The following TEX52 variants were observed in gnomAD, a reference collection of about 807,000 sequenced individuals.
The protein encoded by TEX52 is testis expressed 52.
TEX52 carries 22 observed loss-of-function variants against 17.6 expected under a neutral mutation model. The ratio of observed to expected loss-of-function variants is 1.25; its 90% CI spans 0.89 to 1.78. The LOEUF (loss-of-function observed/expected upper bound fraction) is 1.78, where lower values mean the gene tolerates loss of function less well. Ranked by LOEUF, TEX52 falls within the 40% of genes most tolerant of loss-of-function variation. The pLI is 0.00. For synonymous variants in TEX52, 168 were observed against 147.4 expected (o/e 1.14, Z -1.01); for missense variants, 396 against 372.3 (o/e 1.06, Z -0.52).
intron 1 of TEX52, among the ~76,000 whole-genome samples, chr12:2,856,506 C>T (rs189070911): frequency 2.6e-4 from 39 of 152,306 alleles, no homozygotes; most frequent in Non-Finnish European, 4.4e-4. Context: ...GCTGGGATTA[C>T]AGGCGCGTGC....
intron 2 of TEX52, among the ~76,000 whole-genome samples, chr12:2,853,953 T>C (rs1434605627): frequency 1.3e-5 from 2 of 152,338 alleles, no homozygotes; most frequent in East Asian, 1.9e-4. Context: ...GAGGCCTTCC[T>C]GTGGCGGGGA....
chr12:2,854,744 C>T (rs777490449), intron 2 of TEX52, among the ~76,000 whole-genome samples, 152 bp downstream of exon 2: 9 of 152,110 alleles, frequency 5.9e-5, no homozygotes, highest in African/African-American at 1.2e-4. Flanking sequence ...GTCTCCACCT[C>T]GTCCTTCCAG....
At chr12:2,853,603 T>G (rs533609606) in intron 2 of TEX52, among the ~76,000 whole-genome samples, 2 of 146,992 alleles carry the variant, frequency 1.4e-5, no homozygotes, top group Admixed American at 6.8e-5. Context: ...TTGTTTTTGT[T>G]TTTGTTTTTG....
chr12:2,851,057 C>G (rs1399895876), intron 2 of TEX52, among the ~76,000 whole-genome samples: 1 of 136,020 alleles, frequency 7.4e-6, no homozygotes, highest in Non-Finnish European at 1.5e-5. Context: ...ATCCCAGCTA[C>G]TTGGGAGGCT....
chr12:2,851,437 C>T (rs1401807911), intron 2 of TEX52, among the ~76,000 whole-genome samples: 1 of 152,016 alleles, frequency 6.6e-6, no homozygotes, highest in Non-Finnish European at 1.5e-5. Context: ...CCACCTCCTG[C>T]ATTCAAGCGA....
At chr12:2,855,590 C>A in intron 1 of TEX52, 144 bp from the exon 2 acceptor site, 1 of 547,208 alleles carries the variant, frequency 1.8e-6, no homozygotes, top group East Asian at 3.2e-5. Flanking sequence ...GGCAGGGCCG[C>A]ATCTCCATCC....
chr12:2,855,319 A>G lies in TEX52; in HGVS notation c.200T>C (p.Leu67Pro). 6.5e-7 allele frequency: 1 copy of G among 1,528,308 alleles called. No individual in the cohort carries two copies. The highest frequency in any genetic ancestry group is 1.2e-5 in the South Asian group (1 of 83,812). 94.7% of individuals were successfully genotyped at this position (1,528,308 alleles called of 1,614,324 possible). A position where few individuals can be genotyped will look rare whatever the true frequency, so the allele number is the denominator to read the frequency against. Residue 67 changes from leucine to proline, a missense_variant, in exon 2 of 3, where the codon CTG becomes CCG. Leu to Pro is a moderately conservative substitution (Grantham distance 98). Transcript: ENST00000637658. ...GGACTTCATATCTGTGCAGGGCGGC[A>G]GCTTCAGAGCCAGCTGGTGGTAGGC... ...RQAYHQLALK[L>P]PPCTDMKSKV...
At chr12:2,853,974 C>T (rs905365212) in intron 2 of TEX52, among the ~76,000 whole-genome samples, 7 of 152,112 alleles carry the variant, frequency 4.6e-5, no homozygotes, top group East Asian at 1.9e-4. Context: ...CACTCCAGGT[C>T]GCTGCACCCC....
At position 2,855,378 on chromosome 12, in the gene TEX52, G is replaced by C. The variant is rs908261576; in HGVS notation, c.141C>G (p.Ser47Arg). 7.9e-6 allele frequency: 12 copies of C among 1,524,430 alleles called. No individual in the cohort carries two copies. Among genetic ancestry groups the C allele is most frequent in the African/African-American group, 1.4e-5 (1 of 72,704 alleles). The allele number at this position is 1,524,430 out of a possible 1,614,324, so 94.4% of individuals were successfully genotyped here. A position where few individuals can be genotyped will look rare whatever the true frequency, so the allele number is the denominator to read the frequency against. The change falls in exon 2 of 3, where the codon AGC (serine) becomes AGG (arginine). Residue 47 changes from serine to arginine, a missense_variant. Physicochemically the swap from Ser to Arg is moderately radical, Grantham distance 110. Transcript: ENST00000637658. ...TGAAGCCAGGGAACTCCCAGGACTCGCTGGGGAGGAAGAACTCACGCTGAG... is the reference window on the plus strand; with the variant it reads ...TGAAGCCAGGGAACTCCCAGGACTCCCTGGGGAGGAAGAACTCACGCTGAG... Reference protein sequence around the residue: ...TWAQREFFLPSESWEFPGFTR... With the variant: ...TWAQREFFLPRESWEFPGFTR...
downstream of TEX52, among the ~76,000 whole-genome samples, chr12:2,848,792 C>A (rs1321821995): frequency 6.6e-6 from 1 of 151,928 alleles, no homozygotes; most frequent in Non-Finnish European, 1.5e-5. Flanking sequence ...AGCCTCATTC[C>A]CAATGGGTTA....
At chr12:2,855,569 G>A (rs7138715) in intron 1 of TEX52, 123 bp from the exon 2 acceptor site, 151,652 of 707,362 alleles carry the variant, frequency 0.21, 19,305 homozygotes, top group African/African-American at 0.43. Context: ...TCATGAGGAC[G>A]CAGAAGTCCT....
At chr12:2,855,883 G>A (rs1052951971) in intron 1 of TEX52, among the ~76,000 whole-genome samples, 1 of 152,036 alleles carries the variant, frequency 6.6e-6, no homozygotes, top group Non-Finnish European at 1.5e-5. Context: ...GGTCTTGGCG[G>A]TATACCAGGA....
chr12:2,854,807 A>T, intron 2 of TEX52, 89 bp downstream of exon 2: 1 of 1,324,456 alleles, frequency 7.6e-7, no homozygotes, highest in Non-Finnish European at 1.0e-6. Context: ...GGAAGGACAG[A>T]GTCCCGGTTA....
chr12:2,855,221 C>G lies in TEX52; in HGVS notation c.298G>C (p.Asp100His), dbSNP rs1055609468. Residue 100 changes from aspartate (D) to histidine (H), a missense_variant, in exon 2 of 3, where the codon GAT becomes CAT. Coordinates refer to ENST00000637658, the MANE Select transcript of TEX52 (RefSeq NM_001365174.2). The part of the protein sequence containing the change: ...QHTWGFHTWL[D>H]VCRLPATFPT... ...AAGGTGGCAGGCAGACGGCACACAT[C>G]GAGCCACGTGTGAAAGCCCCAGGTG... The G allele has an allele frequency of 2.0e-6, 3 of 1,505,764 alleles. No homozygotes were observed. The highest frequency in any genetic ancestry group is 2.7e-6 in the Non-Finnish European group (3 of 1,128,238). The allele number at this position is 1,505,764 out of a possible 1,614,324, so 93.3% of individuals were successfully genotyped here.
Position 2,855,071 on chromosome 12 carries a change from A to G in TEX52, c.448T>C (p.Phe150Leu). The G allele has an allele frequency of 1.3e-6, 2 of 1,535,984 alleles. No individual in the cohort carries two copies. The highest frequency in any genetic ancestry group is 1.7e-6 in the Non-Finnish European group (2 of 1,146,862). Residue 150 changes from phenylalanine (F) to leucine (L), a missense_variant, in exon 2 of 3, where the codon TTC becomes CTC. By Grantham distance (22) the Phe-to-Leu change is conservative (BLOSUM62 0). Coordinates refer to ENST00000637658, the MANE Select transcript of TEX52 (RefSeq NM_001365174.2). ...PPPSWMGQNS[F>L]LTFIHCYPTF... is the part of the protein sequence containing the mutation. ...GGATAACAGTGGATGAAGGTCAGGA[A>G]GCTGTTTTGCCCCATCCAGGAGGGA...
rs999741930 is a variant in TEX52 at position 2,855,047 on chromosome 12, G to T, written c.472C>A (p.Pro158Thr). Residue 158 changes from proline to threonine, a missense_variant, in exon 2 of 3, where the codon CCC (proline) becomes ACC (threonine). Coordinates refer to ENST00000637658, the MANE Select transcript of TEX52 (RefSeq NM_001365174.2). ...NSFLTFIHCY[P>T]TFVDMKRKKQ... ...TTCCTTTTCATGTCCACAAACGTGG[G>T]ATAACAGTGGATGAAGGTCAGGAAG... 35 of 1,536,002 alleles carry T rather than the reference G, an allele frequency of 2.3e-5. No homozygotes were observed. The highest frequency in any genetic ancestry group is 9.8e-5 in the Admixed American group (5 of 50,970).
rs1326763668 is a variant in TEX52, at chr12:2,855,271, T to A, written c.248A>T (p.His83Leu). The A allele has an allele frequency of 6.6e-7, 1 of 1,514,862 alleles. No individual in the cohort carries two copies. Among genetic ancestry groups the A allele is most frequent in the African/African-American group, 1.4e-5 (1 of 72,528 alleles). 93.8% of individuals were successfully genotyped at this position (1,514,862 alleles called of 1,614,324 possible). ...GTGCTGGGCGCCACCCTTCCAAGGG[T>A]GGATGAGCCGCTGACGCACCTTGGA... ...MKSKVRQRLI[H>L]PWKGGAQHTW... The change falls in exon 2 of 3, where the codon CAC (histidine) becomes CTC (leucine). Residue 83 changes from histidine (H) to leucine (L), a missense_variant. Transcript: ENST00000637658.
chr12:2,849,386 C>T lies in TEX52; in HGVS notation c.763G>A (p.Ala255Thr), dbSNP rs866091729. ...CTCAGGGGCGCGCTGGGCAGCAAGG[C>T]CAGCTTTAGCACCTTCTCCTGGTAG... ...PHYQEKVLKLALLPSAPLSQD... is the reference protein window; with the variant it reads ...PHYQEKVLKLTLLPSAPLSQD... Residue 255 changes from alanine (A) to threonine (T), a missense_variant, in exon 3 of 3, where the codon GCC (alanine) becomes ACC (threonine). Coordinates refer to ENST00000637658, the MANE Select transcript of TEX52 (RefSeq NM_001365174.2). 2.6e-6 allele frequency: 4 copies of T among 1,536,022 alleles called. No homozygotes were observed. The East Asian group carries it at 7.3e-5, about 28-fold the overall frequency.
intron 2 of TEX52, among the ~76,000 whole-genome samples, chr12:2,850,399 G>A (rs1326707024): frequency 2.0e-5 from 3 of 150,744 alleles, no homozygotes; most frequent in African/African-American, 4.9e-5. Flanking sequence ...ACTTGAACCC[G>A]GGAGGAGGAG....
Sources: gnomAD v4.1 joint callset for allele counts (sites outside exome capture counted in the v4.1 genomes callset) on GRCh38, gnomAD v4.1.1 for gene constraint, MANE v1.5 for transcripts, NCBI Gene and HGNC (gene_info 2026-07-23, HGNC 2026-07-21) for gene names.